The following SHISAL1 variants were observed in gnomAD, a reference collection of about 807,000 sequenced individuals.
The protein encoded by SHISAL1 is shisa like 1.
In SHISAL1, 9 loss-of-function variants were observed where a neutral mutation model predicts 22.6. The ratio of observed to expected loss-of-function variants is 0.40; its 90% CI spans 0.24 to 0.70. The LOEUF is 0.70. SHISAL1 is among the 30% of genes least tolerant of loss of function. The probability of loss-of-function intolerance (pLI) is 0.39; values close to 1 mark genes in which losing one functional copy is unlikely to be tolerated. For synonymous variants in SHISAL1, 119 were observed against 115.4 expected (o/e 1.03, Z -0.20); for missense variants, 246 against 270.6 (o/e 0.91, Z 0.64).
rs754355354 is a variant in SHISAL1, at chr22:44,249,221, TCACACACACGCA to T, written c.*452_*463del. On this transcript the variant is annotated 3_prime_UTR_variant, in exon 5 of 5. Transcript: ENST00000381176. Reference sequence around the variant, plus strand: ...AAGCAAACAAAAAGAACACCCCAAATCACACACACGCACACACACACGCACATTCAATATTCT... The same window carrying T: ...AAGCAAACAAAAAGAACACCCCAAATCACACACACGCACATTCAATATTCT... 51 of 153,322 alleles carry T rather than the reference TCACACACACGCA, an allele frequency of 3.3e-4. No individual in the cohort carries two copies. The highest frequency in any genetic ancestry group is 1.2e-3 in the South Asian group (6 of 4,820). 9.5% of individuals were successfully genotyped at this position (153,322 alleles called of 1,614,324 possible). A position where few individuals can be genotyped will look rare whatever the true frequency, so the allele number is the denominator to read the frequency against.
chr22:44,303,038 C>G (rs1447338494), intron 1 of SHISAL1, among the ~76,000 whole-genome samples: 1 of 152,006 alleles, frequency 6.6e-6, no homozygotes, highest in Non-Finnish European at 1.5e-5. Flanking sequence ...AACCTGTCTC[C>G]CATAGGAGTT....
chr22:44,327,611 T>C, the SHISAL1 span, among the ~76,000 whole-genome samples: 1 of 151,958 alleles, frequency 6.6e-6, no homozygotes, highest in African/African-American at 2.4e-5. Context: ...CCTTGGAGTC[T>C]CCTCCACCTC....
At position 44,246,206 on chromosome 22, in the gene SHISAL1, CACA is replaced by C. The variant is rs1006004217; in HGVS notation, c.*3476_*3478del. On this transcript the variant is annotated 3_prime_UTR_variant, in exon 5 of 5. Coordinates refer to ENST00000381176, the MANE Select transcript of SHISAL1 (RefSeq NM_001099294.2). ...GGTTCTGAATAGAGATTCTGAAACA[CACA>C]ACAATCACACCGTACACAGACGAGA... is the stretch of plus-strand genomic sequence containing the variant. The C allele has an allele frequency of 1.3e-5, 2 of 152,184 alleles. No individual in the cohort carries two copies. Among genetic ancestry groups the C allele is most frequent in the Admixed American group, 6.5e-5 (1 of 15,284 alleles). 9.4% of individuals were successfully genotyped at this position (152,184 alleles called of 1,614,324 possible).
chr22:44,264,102 A>T (rs2055145394), intron 4 of SHISAL1, among the ~76,000 whole-genome samples: 1 of 152,160 alleles, frequency 6.6e-6, no homozygotes. Flanking sequence ...AAGGGCACAG[A>T]TCCAGGCTGG....
chr22:44,295,064 G>A (rs1296887775), intron 3 of SHISAL1, among the ~76,000 whole-genome samples: 2 of 152,106 alleles, frequency 1.3e-5, no homozygotes, highest in African/African-American at 4.8e-5. Context: ...TTGGGGGGAG[G>A]TAGGGGTACT....
chr22:44,254,237 AAAAG>A (rs532828516), intron 4 of SHISAL1, among the ~76,000 whole-genome samples: 32 of 152,372 alleles, frequency 2.1e-4, no homozygotes, highest in African/African-American at 6.7e-4. Context: ...AAAAAGTTAG[AAAAG>A]AAAGACAAAA....
upstream of SHISAL1, among the ~76,000 whole-genome samples, chr22:44,314,223 T>C (rs1397204839): frequency 1.3e-5 from 2 of 150,784 alleles, no homozygotes; most frequent in Non-Finnish European, 3.0e-5. Flanking sequence ...TGGGGGAGTG[T>C]TCCTGGCAGA....
At chr22:44,250,832 G>T (rs1365461735) in intron 4 of SHISAL1, among the ~76,000 whole-genome samples, 2 of 152,202 alleles carry the variant, frequency 1.3e-5, no homozygotes, top group East Asian at 1.9e-4. Context: ...TGCATCTGGT[G>T]AGTGTTCTTA....
chr22:44,327,240 G>GCACACA, the SHISAL1 span, among the ~76,000 whole-genome samples: 464 of 144,992 alleles, frequency 3.2e-3, 1 homozygote, highest in African/African-American at 5.3e-3. Context: ...TGGGGGGCGC[G>GCACACA]CACACACACA....
At chr22:44,285,865 G>A (rs2055311745) in intron 3 of SHISAL1, 120 bp from the exon 4 acceptor site, 2 of 848,838 alleles carry the variant, frequency 2.4e-6, no homozygotes, top group African/African-American at 1.7e-5. Context: ...CCCGGGAGGA[G>A]GGTACTGAGC....
chr22:44,262,775 G>A (rs560987194), intron 4 of SHISAL1, among the ~76,000 whole-genome samples: 9 of 152,324 alleles, frequency 5.9e-5, no homozygotes, highest in African/African-American at 1.7e-4. Context: ...CAGGGCCCAC[G>A]GGGTGAGGAG....
the SHISAL1 span, among the ~76,000 whole-genome samples, chr22:44,322,317 C>T: frequency 1.3e-5 from 2 of 152,230 alleles, no homozygotes; most frequent in South Asian, 2.1e-4. Context: ...GGGCAGAGCA[C>T]TCCCATCCCT....
At chr22:44,272,433 G>A (rs181270596) in intron 4 of SHISAL1, among the ~76,000 whole-genome samples, 5 of 152,272 alleles carry the variant, frequency 3.3e-5, no homozygotes, top group Admixed American at 3.3e-4. Flanking sequence ...TCATCTTTCT[G>A]TTCCCAGCAC....
intron 3 of SHISAL1, among the ~76,000 whole-genome samples, chr22:44,290,529 C>CAAAAAAAAAAAAAAAAAAAAAAAAAA (rs546640216): frequency 2.4e-5 from 2 of 84,306 alleles, no homozygotes; most frequent in African/African-American, 9.4e-5. Context: ...AACTCAGTCT[C>CAAAAAAAAAAAAAAAAAAAAAAAAAA]AAAAAAAAAA....
intron 4 of SHISAL1, among the ~76,000 whole-genome samples, chr22:44,264,670 T>C (rs112350063): frequency 0.014 from 2,195 of 152,140 alleles, 45 homozygotes; most frequent in African/African-American, 0.046. Flanking sequence ...CAGCCTGAAT[T>C]GGACCCAGCA....
chr22:44,292,892 C>A (rs1301502215), intron 3 of SHISAL1, among the ~76,000 whole-genome samples: 1 of 152,248 alleles, frequency 6.6e-6, no homozygotes, highest in Non-Finnish European at 1.5e-5. Context: ...CTCATGGCTC[C>A]TGCTCCTGCA....
At chr22:44,303,515 T>G (rs76225538) in intron 1 of SHISAL1, among the ~76,000 whole-genome samples, 2,382 of 152,194 alleles carry the variant, frequency 0.016, 58 homozygotes, top group African/African-American at 0.042. Flanking sequence ...AGCCAAGGAA[T>G]GCCAAAGATT....
At chr22:44,320,044 C>T in the SHISAL1 span, among the ~76,000 whole-genome samples, 2 of 152,186 alleles carry the variant, frequency 1.3e-5, no homozygotes, top group African/African-American at 2.4e-5. Context: ...TTCCTTCCTT[C>T]CCCCGTCCCT....
intron 4 of SHISAL1, among the ~76,000 whole-genome samples, chr22:44,262,977 G>A (rs2055135334): frequency 6.6e-6 from 1 of 152,038 alleles, no homozygotes; most frequent in Admixed American, 6.6e-5. Context: ...TGGAGACAAT[G>A]TGTTCCCCAG....
Sources: allele counts gnomAD v4.1 joint callset (sites outside exome capture counted in the v4.1 genomes callset), GRCh38; gene constraint gnomAD v4.1.1; transcripts MANE v1.5; gene names NCBI Gene and HGNC (gene_info 2026-07-23, HGNC 2026-07-21).